The following USP34 variants were observed in gnomAD, a reference collection of about 807,000 sequenced individuals.
USP34 encodes the protein ubiquitin carboxyl-terminal hydrolase 34.
USP34 carries 70 observed loss-of-function variants against 460.3 expected under a neutral mutation model. The ratio of observed to expected loss-of-function variants is 0.15; its 90% CI spans 0.13 to 0.19. The LOEUF is 0.19. Ranked by LOEUF, USP34 falls within the 10% of genes least tolerant of loss-of-function variation. The pLI is 1.00. For synonymous variants in USP34, 1,647 were observed against 1,405.3 expected (o/e 1.17, Z -3.85); for missense variants, 3,985 against 4,236.2 (o/e 0.94, Z 1.65).
chr2:61,252,744 A>G lies in USP34; in HGVS notation c.6221+3640T>C, dbSNP rs565684234. ...CAAATGTATGTAATGATAGAGTGTG[A>G]ACTTCATCCTAACAATTCTGAAGAA... On this transcript the variant is annotated intron_variant, in intron 48 of 79. Coordinates refer to ENST00000398571, the MANE Select transcript of USP34 (RefSeq NM_014709.4). Among the ~76,000 whole-genome samples, 37 of 152,350 alleles carry G rather than the reference A, an allele frequency of 2.4e-4. No individual in the cohort carries two copies. In the South Asian group the frequency reaches 6.2e-3, roughly 26 times the overall value.
At chr2:61,389,908 T>C (rs1360827631) in intron 5 of USP34, among the ~76,000 whole-genome samples, 1 of 152,096 alleles carries the variant, frequency 6.6e-6, no homozygotes, top group Admixed American at 6.6e-5. Context: ...AAAAACAGCG[T>C]TCTGCATCAA....
chr2:61,232,276 C>A lies in USP34; in HGVS notation c.7113+176G>T, dbSNP rs560006727. Among the ~76,000 whole-genome samples the A allele has an allele frequency of 8.5e-5, 13 of 152,260 alleles. No homozygotes were observed. In the Middle Eastern group the frequency reaches 0.01, roughly 120 times the overall value. On this transcript the variant is annotated intron_variant, in intron 58 of 79. Coordinates refer to ENST00000398571, the MANE Select transcript of USP34 (RefSeq NM_014709.4). ...TTTAATCACCTTATTAGAGTGAGAG[C>A]TGATGTTAAAAGAACCTGGTGAAAC... is the stretch of plus-strand genomic sequence containing the variant.
intron 51 of USP34, among the ~76,000 whole-genome samples, chr2:61,244,370 C>G (rs186086023): frequency 2.1e-4 from 32 of 152,220 alleles, no homozygotes; most frequent in African/African-American, 7.7e-4. Flanking sequence ...GATCCCAGCA[C>G]TTCGGAGGCT....
At chr2:61,189,975 A>AAC in intron 78 of USP34, 1 of 261,618 alleles carries the variant, frequency 3.8e-6, no homozygotes, top group East Asian at 7.2e-5. Flanking sequence ...CAGTAATAGA[A>AAC]ACATCACAAG....
At position 61,290,620 on chromosome 2, in the gene USP34, T is replaced by C. The variant is rs573983184; in HGVS notation, c.4549-1743A>G. On this transcript the variant is annotated intron_variant, in intron 33 of 79. Coordinates refer to ENST00000398571, the MANE Select transcript of USP34 (RefSeq NM_014709.4). Reference sequence around the variant, plus strand: ...TATAAAATGAAAATCTCATCTATTGTAACACAAAGTGGAGGAAGAAAAATT... The same window carrying C: ...TATAAAATGAAAATCTCATCTATTGCAACACAAAGTGGAGGAAGAAAAATT... 6.6e-5 allele frequency among the ~76,000 whole-genome samples: 10 copies of C among 152,230 alleles called. 1 individual carries two copies. In the South Asian group the frequency reaches 2.1e-3, roughly 32 times the overall value.
intron 67 of USP34, among the ~76,000 whole-genome samples, chr2:61,216,394 C>A (rs552190694): frequency 4.1e-5 from 6 of 147,930 alleles, no homozygotes; most frequent in Middle Eastern, 3.9e-3. Context: ...AGGTCAGGAG[C>A]TCGAGATCAT....
Position 61,394,938 on chromosome 2 carries a change from G to C in USP34, c.668C>G (p.Ser223Cys). 2 of 1,608,382 alleles carry C rather than the reference G, an allele frequency of 1.2e-6. No individual in the cohort carries two copies. Among genetic ancestry groups the C allele is most frequent in the Non-Finnish European group, 1.7e-6 (2 of 1,178,102 alleles). Reference protein sequence around the residue: ...VCLFCGKNGLSLMKDCFEYGT... With the variant: ...VCLFCGKNGLCLMKDCFEYGT... ...ATATTCAAAGCAATCCTTCATGAGAGAAAGGCCATTTTTCCCACAAAACAA... is the reference window on the plus strand; with the variant it reads ...ATATTCAAAGCAATCCTTCATGAGACAAAGGCCATTTTTCCCACAAAACAA... Residue 223 changes from serine to cysteine, a missense_variant, in exon 5 of 80, where the codon TCT (serine) becomes TGT (cysteine). By Grantham distance (112) the Ser-to-Cys change is moderately radical. Coordinates refer to ENST00000398571, the MANE Select transcript of USP34 (RefSeq NM_014709.4).
chr2:61,198,646 G>A (rs891552081), intron 75 of USP34, among the ~76,000 whole-genome samples: 4 of 151,760 alleles, frequency 2.6e-5, no homozygotes, highest in Non-Finnish European at 2.9e-5. Context: ...AGAGGCACAC[G>A]GATCACGAGG....
chr2:61,206,207 C>T (rs17481482), intron 71 of USP34, 83 bp from the exon 72 acceptor site: 15,803 of 1,147,306 alleles, frequency 0.014, 178 homozygotes, highest in East Asian at 0.036. Context: ...CTACAGAATG[C>T]TAATGCTAGA....
At chr2:61,218,661 T>A (rs1024934589) in intron 67 of USP34, among the ~76,000 whole-genome samples, 1 of 152,090 alleles carries the variant, frequency 6.6e-6, no homozygotes, top group Non-Finnish European at 1.5e-5. Context: ...TGACAGTTTC[T>A]TAGATTTTCC....
chr2:61,200,778 G>T (rs1227015033), intron 75 of USP34: 1 of 152,302 alleles, frequency 6.6e-6, no homozygotes, highest in Non-Finnish European at 1.5e-5. Flanking sequence ...ACTCTGTGTG[G>T]TCATTAATGT....
At chr2:61,293,729 T>G (rs1309145635) in intron 32 of USP34, among the ~76,000 whole-genome samples, 179 bp from the exon 33 acceptor site, 1 of 152,090 alleles carries the variant, frequency 6.6e-6, no homozygotes, top group East Asian at 1.9e-4. Context: ...TTTCAAGAAT[T>G]TAAGGGTGGG....
chr2:61,318,062 G>A (rs1233583372), intron 22 of USP34, among the ~76,000 whole-genome samples: 2 of 151,794 alleles, frequency 1.3e-5, no homozygotes, highest in African/African-American at 2.4e-5. Flanking sequence ...GCATGGTGGT[G>A]TGTGGCTGTA....
rs1693855984 is a variant in USP34 at position 61,405,877 on chromosome 2, G to C, written c.383C>G (p.Ser128Cys). The change falls in exon 3 of 80, where the codon TCT becomes TGT. Residue 128 changes from serine (S) to cysteine (C), a missense_variant. Ser to Cys is a moderately radical substitution (Grantham distance 112). Coordinates refer to ENST00000398571, the MANE Select transcript of USP34 (RefSeq NM_014709.4). ...RQKSIEKKSN[S>C]TRICNLTEEE... ...CTCAGTCAGATTACAAATTCTTGTA[G>C]AGTTTGATTTTTTTTCTATTGATTT... 6.2e-7 allele frequency: 1 copy of C among 1,613,556 alleles called. No homozygotes were observed. Among genetic ancestry groups the C allele is most frequent in the African/African-American group, 1.3e-5 (1 of 74,828 alleles).
At chr2:61,194,897 G>C (rs1006038514) in intron 75 of USP34, among the ~76,000 whole-genome samples, 2 of 151,026 alleles carry the variant, frequency 1.3e-5, no homozygotes, top group East Asian at 1.9e-4. Context: ...AGGTTGCGGT[G>C]AGCCGAGATC....
chr2:61,443,913 G>C (rs1479993909), intron 1 of USP34, among the ~76,000 whole-genome samples: 1 of 152,120 alleles, frequency 6.6e-6, no homozygotes, highest in Non-Finnish European at 1.5e-5. Context: ...TGGGGAGTCA[G>C]GTGGCATACC....
intron 2 of USP34, among the ~76,000 whole-genome samples, chr2:61,415,406 A>G (rs1694165711): frequency 6.6e-6 from 1 of 152,134 alleles, no homozygotes. Context: ...GAACTAGAGA[A>G]CTTTTTTGGC....
chr2:61,308,546 T>C (rs549423104), intron 27 of USP34, among the ~76,000 whole-genome samples: 6 of 152,108 alleles, frequency 3.9e-5, no homozygotes, highest in Middle Eastern at 3.4e-3. Context: ...AATGATAAAA[T>C]ACAATACAAG....
At chr2:61,253,475 G>T (rs551468520) in intron 48 of USP34, among the ~76,000 whole-genome samples, 2 of 152,198 alleles carry the variant, frequency 1.3e-5, no homozygotes, top group South Asian at 2.1e-4. Flanking sequence ...TCGTGTAATT[G>T]CCTACATAGC....
Sources: gnomAD v4.1 joint callset for allele counts (sites outside exome capture counted in the v4.1 genomes callset) on GRCh38, gnomAD v4.1.1 for gene constraint, MANE v1.5 for transcripts, NCBI Gene and HGNC (gene_info 2026-07-23, HGNC 2026-07-21) for gene names.